ZNF721: variants seen among roughly 807,000 people sequenced by gnomAD.
ZNF721 encodes the protein zinc finger protein 721.
A neutral mutation model predicts 2.4 loss-of-function variants in ZNF721; 2 were observed. The observed-to-expected ratio is 0.82, with a 90% CI of 0.34 to 2.58. The LOEUF is 2.58. Among genes scored for constraint, ZNF721 ranks in the 30% most tolerant of loss-of-function variants. The probability of loss-of-function intolerance (pLI) is 0.11; values close to 1 mark genes in which losing one functional copy is unlikely to be tolerated. For synonymous variants in ZNF721, 398 were observed against 381.8 expected, an observed-to-expected ratio of 1.04 and a Z score of -0.50; for missense variants, 1,187 against 1,085.5, an observed-to-expected ratio of 1.09 and a Z score of -1.31.
intron 2 of ZNF721, among the ~76,000 whole-genome samples, chr4:459,645 C>CA (rs1390506167): frequency 1.5e-4 from 23 of 152,130 alleles, no homozygotes; most frequent in Admixed American, 1.0e-3. Flanking sequence ...CCGTGGTTAA[C>CA]ATGGTGAAAC....
intron 1 of ZNF721, among the ~76,000 whole-genome samples, chr4:491,076 A>G (rs532742866): frequency 3.9e-5 from 6 of 152,312 alleles, no homozygotes; most frequent in African/African-American, 9.6e-5. Context: ...CTTCCTTAAA[A>G]GAGAAGAAAA....
intron 2 of ZNF721, among the ~76,000 whole-genome samples, chr4:466,003 T>TG (rs1394630150): frequency 1.3e-5 from 2 of 150,072 alleles, no homozygotes; most frequent in African/African-American, 4.9e-5. Flanking sequence ...TCTTTTCTTT[T>TG]TTTTTTTTTT....
intron 2 of ZNF721, among the ~76,000 whole-genome samples, chr4:445,449 T>C (rs560009150): frequency 6.6e-6 from 1 of 152,224 alleles, no homozygotes; most frequent in South Asian, 2.1e-4. Context: ...ATAATAAAGA[T>C]TGTGACAAAT....
intron 2 of ZNF721, among the ~76,000 whole-genome samples, chr4:470,661 C>T (rs1165908985): frequency 6.6e-6 from 1 of 151,992 alleles, no homozygotes; most frequent in South Asian, 2.1e-4. Flanking sequence ...TTGCAGTGAG[C>T]CGAGATCATG....
intron 2 of ZNF721, among the ~76,000 whole-genome samples, chr4:455,333 C>T (rs905198156): frequency 1.3e-5 from 2 of 152,094 alleles, no homozygotes; most frequent in Non-Finnish European, 1.5e-5. Flanking sequence ...TTTGGGAGGC[C>T]GAGGCGGGCG....
At chr4:467,867 T>C (rs1290652984) in intron 2 of ZNF721, among the ~76,000 whole-genome samples, 1 of 152,094 alleles carries the variant, frequency 6.6e-6, no homozygotes, top group Non-Finnish European at 1.5e-5. Flanking sequence ...CTGGGCGCGG[T>C]GGCTCACGCC....
rs782527529 is a variant in ZNF721 at position 443,431 on chromosome 4, C to G, written c.1036G>C (p.Ala346Pro). Residue 346 changes from alanine (A) to proline (P), a missense_variant, in exon 3 of 3, where the codon GCA becomes CCA. Physicochemically the swap from Ala to Pro is conservative, Grantham distance 27 (BLOSUM62 -1). Coordinates refer to ENST00000511833, the MANE Select transcript of ZNF721 (RefSeq NM_133474.4). ...GECGKTFRQS[A>P]NLYVHRRIHT... ...ATTCTCCTATGTACGTAAAGGTTTGCGGACTGTCTAAAGGTTTTGCCACAT... is the reference window on the plus strand; with the variant it reads ...ATTCTCCTATGTACGTAAAGGTTTGGGGACTGTCTAAAGGTTTTGCCACAT... 8 of 1,607,424 alleles carry G rather than the reference C, an allele frequency of 5.0e-6. No homozygotes were observed. The highest frequency in any genetic ancestry group is 2.2e-5 in the East Asian group (1 of 44,626).
At chr4:478,227 T>C (rs1032202687) in intron 1 of ZNF721, among the ~76,000 whole-genome samples, 7 of 152,208 alleles carry the variant, frequency 4.6e-5, no homozygotes, top group African/African-American at 1.2e-4. Flanking sequence ...CTTGCACTTC[T>C]TGGTAACGTG....
At chr4:477,168 C>G (rs1366423054) in intron 1 of ZNF721, among the ~76,000 whole-genome samples, 1 of 152,032 alleles carries the variant, frequency 6.6e-6, no homozygotes, top group African/African-American at 2.4e-5. Context: ...CACATTTCCT[C>G]TGACACTGCA....
chr4:455,634 AAAAG>A (rs145355841), intron 2 of ZNF721, among the ~76,000 whole-genome samples: 4,321 of 152,264 alleles, frequency 0.028, 65 homozygotes, highest in Middle Eastern at 0.068. Flanking sequence ...AAAAGAAAAA[AAAAG>A]AAAGAAAAAA....
chr4:465,066 T>C (rs1387572560), intron 2 of ZNF721, among the ~76,000 whole-genome samples: 12 of 146,342 alleles, frequency 8.2e-5, no homozygotes, highest in South Asian at 2.2e-4. Flanking sequence ...GCCTGGGTGA[T>C]AGAGCAAGAT....
intron 1 of ZNF721, among the ~76,000 whole-genome samples, chr4:485,612 A>G (rs1176342139): frequency 6.6e-6 from 1 of 152,236 alleles, no homozygotes; most frequent in Non-Finnish European, 1.5e-5. Flanking sequence ...GTTGGTTTAC[A>G]GCAGACATTT....
chr4:488,788 C>T (rs1233816930), intron 1 of ZNF721, among the ~76,000 whole-genome samples: 1 of 151,924 alleles, frequency 6.6e-6, no homozygotes, highest in Non-Finnish European at 1.5e-5. Flanking sequence ...CGAGATCACG[C>T]CACTGCATTC....
chr4:464,468 CAA>C (rs57645783), intron 2 of ZNF721, among the ~76,000 whole-genome samples: 15,077 of 77,196 alleles, frequency 0.2, 447 homozygotes, highest in African/African-American at 0.33. Flanking sequence ...GACTCCACCT[CAA>C]AAAAAAAAAA....
Position 442,782 on chromosome 4 carries a change from C to G in ZNF721, c.1685G>C (p.Cys562Ser). 1 of 1,614,046 alleles carries G rather than the reference C, an allele frequency of 6.2e-7. No homozygotes were observed. The highest frequency in any genetic ancestry group is 8.5e-7 in the Non-Finnish European group (1 of 1,179,970). The change falls in exon 3 of 3, where the codon TGT (cysteine) becomes TCT (serine). Residue 562 changes from cysteine (C) to serine (S), a missense_variant. Physicochemically the swap from Cys to Ser is moderately radical, Grantham distance 112 (BLOSUM62 -1). Coordinates refer to ENST00000511833, the MANE Select transcript of ZNF721 (RefSeq NM_133474.4). ...TGCGGACTGTCTAAAGGTTTTGCCA[C>G]ATTCTTCACATGTGTAGGGTTTCTC... is the stretch of plus-strand genomic sequence containing the variant. ...TGEKPYTCEE[C>S]GKTFRQSANL...
intron 2 of ZNF721, among the ~76,000 whole-genome samples, chr4:454,844 T>C (rs1189706367): frequency 6.6e-6 from 1 of 152,228 alleles, no homozygotes; most frequent in Non-Finnish European, 1.5e-5. Context: ...TCTATTCCTA[T>C]ATGTTAGTTA....
In ZNF721 at chr4:441,668, T is replaced by TA; in HGVS notation, c.*26dup. Reference sequence around the variant, plus strand: ...TCTCTTATGTTTAAGAATGCTGTAGTATGACTTAAAGGCTTTGCCACATTC... The same window carrying TA: ...TCTCTTATGTTTAAGAATGCTGTAGTAATGACTTAAAGGCTTTGCCACATTC... On this transcript the variant is annotated 3_prime_UTR_variant, in exon 3 of 3. Coordinates refer to ENST00000511833, the MANE Select transcript of ZNF721 (RefSeq NM_133474.4). 6.4e-7 allele frequency: 1 copy of TA among 1,550,406 alleles called. No homozygotes were observed. Among genetic ancestry groups the TA allele is most frequent in the Non-Finnish European group, 8.8e-7 (1 of 1,141,024 alleles).
chr4:448,407 G>A (rs1318095113), intron 2 of ZNF721, among the ~76,000 whole-genome samples: 1 of 149,258 alleles, frequency 6.7e-6, no homozygotes, highest in African/African-American at 2.5e-5. Flanking sequence ...CTGCACTCCA[G>A]CCTGGGTGAC....
chr4:442,927 T>C lies in ZNF721; in HGVS notation c.1540A>G (p.Thr514Ala), dbSNP rs781917065. The change falls in exon 3 of 3, where the codon ACA (threonine) becomes GCA (alanine). Residue 514 changes from threonine to alanine, a missense_variant. Thr to Ala is a moderately conservative substitution (Grantham distance 58). Coordinates refer to ENST00000511833, the MANE Select transcript of ZNF721 (RefSeq NM_133474.4). ...ATTCTCCTATGTTTAGTAAGGGTTG[T>C]GGAACTAGTAAACGCTTTACCACAT... ...LECGKAFTSS[T>A]TLTKHRRIHT... 2 of 1,613,914 alleles carry C rather than the reference T, an allele frequency of 1.2e-6. No homozygotes were observed. Among genetic ancestry groups the C allele is most frequent in the Admixed American group, 1.7e-5 (1 of 60,022 alleles).
Sources: allele counts gnomAD v4.1 joint callset (sites outside exome capture counted in the v4.1 genomes callset), GRCh38; gene constraint gnomAD v4.1.1; transcripts MANE v1.5; gene names NCBI Gene and HGNC (gene_info 2026-07-23, HGNC 2026-07-21).